The following GADL1 variants were observed in gnomAD, a reference collection of about 807,000 sequenced individuals.
GADL1 encodes GAD like acidic amino acid decarboxylase 1.
A neutral mutation model predicts 69.5 loss-of-function variants in GADL1; 71 were observed. The observed-to-expected ratio is 1.02, with a 90% CI of 0.84 to 1.25. The LOEUF (loss-of-function observed/expected upper bound fraction) is 1.25, where lower values mean the gene tolerates loss of function less well. GADL1 is among the 50% of genes most tolerant of loss of function. The pLI is 0.00. For missense variants in GADL1, 737 were observed against 631.8 expected (o/e 1.17, Z -1.79); for synonymous variants, 254 against 214.4 (o/e 1.18, Z -1.62).
intron 1 of GADL1, among the ~76,000 whole-genome samples, chr3:30,862,915 G>A (rs924576494): frequency 6.6e-6 from 1 of 151,702 alleles, no homozygotes; most frequent in African/African-American, 2.4e-5. Context: ...TTAGCATCAG[G>A]GAGTGTGGAG....
At chr3:30,888,228 G>T (rs1392319886) in intron 1 of GADL1, among the ~76,000 whole-genome samples, 1 of 152,064 alleles carries the variant, frequency 6.6e-6, no homozygotes, top group African/African-American at 2.4e-5. Flanking sequence ...CAGGATGCTG[G>T]TTACTTATAG....
At chr3:30,876,534 G>T (rs1224323509) in intron 1 of GADL1, among the ~76,000 whole-genome samples, 1 of 151,964 alleles carries the variant, frequency 6.6e-6, no homozygotes, top group Non-Finnish European at 1.5e-5. Context: ...GCCTCTGCAT[G>T]GGGAGCCAAG....
chr3:30,836,152 C>T lies in GADL1; in HGVS notation c.904-1871G>A, dbSNP rs1013985929. On this transcript the variant is annotated intron_variant, in intron 9 of 14. Transcript: ENST00000282538. ...ACAACTACAGGAAGGATTAATTAGT[C>T]CAGTCAGCCACACCTGTTTGCTCGC... 3.3e-5 allele frequency among the ~76,000 whole-genome samples: 5 copies of T among 152,066 alleles called. No homozygotes were observed. In the East Asian group the frequency reaches 9.7e-4, roughly 29 times the overall value.
intron 11 of GADL1, among the ~76,000 whole-genome samples, chr3:30,822,003 T>C (rs1466114536): frequency 1.3e-5 from 2 of 152,144 alleles, no homozygotes; most frequent in African/African-American, 4.8e-5. Context: ...CTATTCCACA[T>C]TTCCTGTAGT....
chr3:30,863,654 T>C (rs564213161), intron 1 of GADL1, among the ~76,000 whole-genome samples: 2 of 152,126 alleles, frequency 1.3e-5, no homozygotes, highest in African/African-American at 2.4e-5. Flanking sequence ...TTTTCAGCAC[T>C]GTACCTCACA....
At chr3:30,842,394 T>C (rs761903139) in intron 8 of GADL1, among the ~76,000 whole-genome samples, 1 of 152,098 alleles carries the variant, frequency 6.6e-6, no homozygotes, top group Non-Finnish European at 1.5e-5. Context: ...ACAGATGAAA[T>C]AGGAGCATGA....
intron 1 of GADL1, among the ~76,000 whole-genome samples, chr3:30,892,145 C>T (rs538104297): frequency 1.1e-4 from 16 of 152,290 alleles, no homozygotes; most frequent in African/African-American, 1.4e-4. Context: ...TCTGATATAA[C>T]TAATTGCTTA....
intron 3 of GADL1, among the ~76,000 whole-genome samples, chr3:30,856,198 T>C (rs1485024831): frequency 1.3e-5 from 2 of 152,096 alleles, no homozygotes; most frequent in Non-Finnish European, 2.9e-5. Context: ...AATTTTACTA[T>C]GTTCTTTCCA....
chr3:30,822,935 G>C (rs1283098160), intron 11 of GADL1, among the ~76,000 whole-genome samples: 1 of 151,950 alleles, frequency 6.6e-6, no homozygotes, highest in Admixed American at 6.6e-5. Context: ...TGAATGAAAG[G>C]CTGAATAAAC....
intron 8 of GADL1, among the ~76,000 whole-genome samples, chr3:30,841,157 G>C (rs1024961959): frequency 1.3e-5 from 2 of 152,124 alleles, no homozygotes; most frequent in African/African-American, 4.8e-5. Context: ...TGAAGCTACT[G>C]AGAAAAAATG....
At chr3:30,742,473 T>C (rs1695640401) in intron 14 of GADL1, among the ~76,000 whole-genome samples, 1 of 152,154 alleles carries the variant, frequency 6.6e-6, no homozygotes, top group African/African-American at 2.4e-5. Flanking sequence ...GTTATTCAAC[T>C]TTGTACATCT....
chr3:30,841,388 G>A (rs1247654398), intron 8 of GADL1, among the ~76,000 whole-genome samples: 7 of 151,988 alleles, frequency 4.6e-5, no homozygotes, highest in Admixed American at 4.6e-4. Context: ...TACTTTCACT[G>A]TCAAAACAAA....
At chr3:30,791,563 T>C (rs1021996737) in intron 12 of GADL1, among the ~76,000 whole-genome samples, 2 of 152,174 alleles carry the variant, frequency 1.3e-5, no homozygotes, top group Non-Finnish European at 2.9e-5. Context: ...TCAAACTGGC[T>C]AAATGTGCTC....
intron 14 of GADL1, among the ~76,000 whole-genome samples, chr3:30,776,789 T>A (rs1696550322): frequency 6.6e-6 from 1 of 152,208 alleles, no homozygotes; most frequent in Admixed American, 6.5e-5. Context: ...AAGGCTCCCA[T>A]GACCCTCCCT....
chr3:30,888,800 C>T (rs958873286), intron 1 of GADL1, among the ~76,000 whole-genome samples: 9 of 151,870 alleles, frequency 5.9e-5, no homozygotes, highest in African/African-American at 2.2e-4. Flanking sequence ...GAGTTCCCTA[C>T]ATGAAAAGTA....
chr3:30,853,439 T>A (rs142527400), intron 4 of GADL1, among the ~76,000 whole-genome samples: 68 of 152,282 alleles, frequency 4.5e-4, no homozygotes, highest in African/African-American at 1.5e-3. Flanking sequence ...TACCATAATT[T>A]CACTGATAAT....
At chr3:30,758,933 C>T (rs1195192526) in intron 14 of GADL1, among the ~76,000 whole-genome samples, 42 of 152,248 alleles carry the variant, frequency 2.8e-4, no homozygotes, top group Non-Finnish European at 7.4e-5. Context: ...AAGTCCCTTC[C>T]TATATTGCAG....
At chr3:30,868,099 A>C (rs182632821) in intron 1 of GADL1, among the ~76,000 whole-genome samples, 44 of 152,174 alleles carry the variant, frequency 2.9e-4, no homozygotes, top group African/African-American at 1.0e-3. Context: ...ACTTTTCCTG[A>C]GAGTGACTCC....
At chr3:30,876,652 A>G (rs375351818) in intron 1 of GADL1, among the ~76,000 whole-genome samples, 10 of 151,400 alleles carry the variant, frequency 6.6e-5, no homozygotes, top group African/African-American at 2.4e-4. Flanking sequence ...AGCATCTCAT[A>G]TTTTTGCCTG....
Sources: gnomAD v4.1 joint callset for allele counts (sites outside exome capture counted in the v4.1 genomes callset) on GRCh38, gnomAD v4.1.1 for gene constraint, MANE v1.5 for transcripts, NCBI Gene and HGNC (gene_info 2026-07-23, HGNC 2026-07-21) for gene names.